The following CDH4 variants were observed in gnomAD, a reference collection of about 807,000 sequenced individuals.
CDH4 encodes the protein cadherin-4.
A neutral mutation model predicts 86.0 loss-of-function variants in CDH4; 33 were observed. The observed-to-expected ratio is 0.38, with a 90% CI of 0.29 to 0.51. The LOEUF (loss-of-function observed/expected upper bound fraction) is 0.51. Ranked by LOEUF, CDH4 falls within the 20% of genes least tolerant of loss-of-function variation. CDH4 has a pLI of 0.86. For missense variants in CDH4, 1,114 were observed against 1,307.4 expected (o/e 0.85, Z 2.28); for synonymous variants, 555 against 549.4 (o/e 1.01, Z -0.14).
At chr20:61,285,525 C>T (rs1218862087) in intron 2 of CDH4, among the ~76,000 whole-genome samples, 3 of 152,234 alleles carry the variant, frequency 2.0e-5, no homozygotes, top group South Asian at 2.1e-4. Flanking sequence ...CTGGCCTGTG[C>T]GGCCCCTCCG....
rs34309371 is a variant in CDH4 at position 61,534,665 on chromosome 20, C to CTTTTTTTTTTTTTTTTTTTTTT, written c.170-208897_170-208876dup. 7.4e-4 allele frequency among the ~76,000 whole-genome samples: 56 copies of CTTTTTTTTTTTTTTTTTTTTTT among 76,056 alleles called. 2 individuals are homozygous for CTTTTTTTTTTTTTTTTTTTTTT. The highest frequency in any genetic ancestry group is 4.1e-3 in the African/African-American group (38 of 9,316). The allele number at this position is 76,056 out of a possible 152,430, so 49.9% of individuals were successfully genotyped here. ...CTTTCTTTCTTTTCTTTCTTTCTTTCTTTTTTTTTTTTTTTTTTTTTTGAG... is the reference window on the plus strand; with the variant it reads ...CTTTCTTTCTTTTCTTTCTTTCTTTCTTTTTTTTTTTTTTTTTTTTTTTTTTTTTTTTTTTTTTTTTTTTGAG... On this transcript the variant is annotated intron_variant, in intron 2 of 15. Transcript: ENST00000614565.
At chr20:61,852,708 G>T (rs759811721) in intron 5 of CDH4, 46 bp from the exon 6 acceptor site, 2 of 1,587,680 alleles carry the variant, frequency 1.3e-6, no homozygotes, top group Non-Finnish European at 1.7e-6. Flanking sequence ...TCAGCTGAGT[G>T]GGGGTGCCCA....
At position 61,811,764 on chromosome 20, in the gene CDH4, C is replaced by A. The variant is rs1233888733; in HGVS notation, c.577-32904C>A. 6.6e-6 allele frequency among the ~76,000 whole-genome samples: 1 copy of A among 151,706 alleles called. No homozygotes were observed. Among genetic ancestry groups the A allele is most frequent in the African/African-American group, 2.4e-5 (1 of 41,246 alleles). ...TCCACTCACTGCAACCTCTGCCTCC[C>A]GGGTTCAAGCAATTCTCCTGCCTCA... On this transcript the variant is annotated intron_variant, in intron 4 of 15. Transcript: ENST00000614565. This position sits in a 1 kb window ranked among gnomAD's most constrained non-coding sequence, Gnocchi z 4.4.
intron 2 of CDH4, among the ~76,000 whole-genome samples, chr20:61,704,502 G>A (rs1199058529): frequency 1.3e-5 from 2 of 152,144 alleles, no homozygotes; most frequent in Non-Finnish European, 2.9e-5. Context: ...TTCTGAGAGA[G>A]GAGAGCGGCT....
chr20:61,844,769 C>A lies in CDH4; in HGVS notation c.678C>A (p.Ser226=). The change falls in exon 5 of 16, where the codon TCC becomes TCA. Residue 226 remains serine, a synonymous_variant. Transcript: ENST00000614565. Reference sequence around the variant, plus strand: ...AGGTCTTCAGCATTGACTCCATGTCCGGCCGGATGTACGTCACAAGGCCCA... The same window carrying A: ...AGGTCTTCAGCATTGACTCCATGTCAGGCCGGATGTACGTCACAAGGCCCA... ...PMEVFSIDSM[S]GRMYVTRPMD... 2.5e-6 allele frequency: 4 copies of A among 1,613,994 alleles called. No homozygotes were observed. Among genetic ancestry groups the A allele is most frequent in the Non-Finnish European group, 2.5e-6 (3 of 1,179,924 alleles).
intron 2 of CDH4, among the ~76,000 whole-genome samples, chr20:61,429,855 G>A (rs2085236299): frequency 6.6e-6 from 1 of 152,156 alleles, no homozygotes; most frequent in Admixed American, 6.5e-5. Flanking sequence ...GGGTGGATGG[G>A]TGGGTAGGAT....
chr20:61,803,931 C>T (rs1035998003), intron 4 of CDH4, among the ~76,000 whole-genome samples: 12 of 152,244 alleles, frequency 7.9e-5, no homozygotes, highest in African/African-American at 1.9e-4. Context: ...TTCCAGGAGG[C>T]GGTGCCGAGA....
At chr20:61,259,141 TGACA>T (rs1410093191) in intron 2 of CDH4, among the ~76,000 whole-genome samples, 1 of 152,212 alleles carries the variant, frequency 6.6e-6, no homozygotes, top group African/African-American at 2.4e-5. Context: ...GAAGCAGAGT[TGACA>T]GACAGTGAAT....
rs1250356536 is a variant in CDH4 at position 61,417,499 on chromosome 20, G to A, written c.169+162562G>A. ...GCCAGCACCGTTGGGTCCGGAGTTGGGAGTTGGGAATCGGGCCATCGGAAC... is the reference window on the plus strand; with the variant it reads ...GCCAGCACCGTTGGGTCCGGAGTTGAGAGTTGGGAATCGGGCCATCGGAAC... On this transcript the variant is annotated intron_variant, in intron 2 of 15. Transcript: ENST00000614565. This position sits in a 1 kb window ranked among gnomAD's most constrained non-coding sequence, Gnocchi z 4.0. 1.3e-5 allele frequency among the ~76,000 whole-genome samples: 2 copies of A among 152,178 alleles called. No individual in the cohort carries two copies. Among genetic ancestry groups the A allele is most frequent in the African/African-American group, 4.8e-5 (2 of 41,428 alleles).
intron 2 of CDH4, among the ~76,000 whole-genome samples, chr20:61,534,871 C>G (rs62201791): frequency 3.6e-5 from 4 of 112,588 alleles, no homozygotes; most frequent in Non-Finnish European, 7.4e-5. Flanking sequence ...GGCAGAGATG[C>G]CTGCTCATCC....
chr20:61,866,086 C>A (rs1242741405), intron 6 of CDH4, among the ~76,000 whole-genome samples: 1 of 152,090 alleles, frequency 6.6e-6, no homozygotes, highest in African/African-American at 2.4e-5. Flanking sequence ...CCTGGAGGAC[C>A]CTCAGTTGTT....
chr20:61,405,195 G>C (rs1242711169), intron 2 of CDH4, among the ~76,000 whole-genome samples: 2 of 151,914 alleles, frequency 1.3e-5, no homozygotes, highest in Non-Finnish European at 2.9e-5. Context: ...CCCTCCCCGG[G>C]ATGCGCTGCG....
chr20:61,548,322 G>A (rs2086103644), intron 2 of CDH4, among the ~76,000 whole-genome samples: 1 of 152,130 alleles, frequency 6.6e-6, no homozygotes, highest in Non-Finnish European at 1.5e-5. Flanking sequence ...GGCTCGGGCA[G>A]GCAGGTGGAA....
At chr20:61,603,345 C>A (rs1226598413) in intron 2 of CDH4, among the ~76,000 whole-genome samples, 5 of 152,112 alleles carry the variant, frequency 3.3e-5, no homozygotes. Context: ...GCAACCAGGG[C>A]CCCACACCAC....
rs973743892 is a variant in CDH4 at position 61,522,646 on chromosome 20, G to A, written c.170-220917G>A. ...CCCAGCCAGGCAAGCAGCCCCACTC[G>A]GAACTGCACGCACGGCGCAGTCCGG... On this transcript the variant is annotated intron_variant, in intron 2 of 15. Coordinates refer to ENST00000614565, the MANE Select transcript of CDH4 (RefSeq NM_001794.5). Among the ~76,000 whole-genome samples the A allele has an allele frequency of 1.6e-4, 24 of 152,278 alleles. 1 individual carries two copies. The highest frequency in any genetic ancestry group is 6.5e-4 in the Admixed American group (10 of 15,296).
chr20:61,898,927 G>A (rs765818197), intron 8 of CDH4, among the ~76,000 whole-genome samples: 11 of 152,280 alleles, frequency 7.2e-5, no homozygotes, highest in South Asian at 4.1e-4. Context: ...GTCCTGTCCC[G>A]TCTCGGTCTT....
At chr20:61,726,924 C>T (rs1486319347) in intron 2 of CDH4, among the ~76,000 whole-genome samples, 1 of 151,986 alleles carries the variant, frequency 6.6e-6, no homozygotes, top group Admixed American at 6.5e-5. Context: ...TCATCATCAA[C>T]ATTGCTGCCA....
intron 2 of CDH4, among the ~76,000 whole-genome samples, chr20:61,601,200 A>G (rs938339299): frequency 6.6e-5 from 10 of 152,296 alleles, no homozygotes; most frequent in African/African-American, 2.4e-4. Context: ...GGCACCTCAC[A>G]TGGTGATAGG....
At position 61,503,587 on chromosome 20, in the gene CDH4, A is replaced by T. The variant is rs192262313; in HGVS notation, c.170-239976A>T. Reference sequence around the variant, plus strand: ...CAAGTCTCACAGAAGGATGTAGGTCATATGTTAGAGGTAATATGTCATAAG... The same window carrying T: ...CAAGTCTCACAGAAGGATGTAGGTCTTATGTTAGAGGTAATATGTCATAAG... On this transcript the variant is annotated intron_variant, in intron 2 of 15. Coordinates refer to ENST00000614565, the MANE Select transcript of CDH4 (RefSeq NM_001794.5). Among the ~76,000 whole-genome samples the T allele has an allele frequency of 2.6e-5, 4 of 152,204 alleles. No homozygotes were observed. The South Asian group carries it at 6.2e-4, about 24-fold the overall frequency.
Sources: allele counts gnomAD v4.1 joint callset (sites outside exome capture counted in the v4.1 genomes callset), GRCh38; gene constraint gnomAD v4.1.1; non-coding constraint Gnocchi (gnomAD v3.1); transcripts MANE v1.5; gene names NCBI Gene and HGNC (gene_info 2026-07-23, HGNC 2026-07-21).